SPON1: variants seen among roughly 807,000 people sequenced by gnomAD.
The protein encoded by SPON1 is spondin 1.
Under a neutral mutation model 111.7 loss-of-function variants are expected in SPON1, and 52 were observed. That is an observed-to-expected ratio of 0.47 (90% CI 0.37 to 0.59). The LOEUF (loss-of-function observed/expected upper bound fraction) is 0.59. SPON1 is among the 20% of genes least tolerant of loss of function. SPON1 has a pLI of 0.00. For missense variants in SPON1, 957 were observed against 1,068.5 expected (o/e 0.90, Z 1.46); for synonymous variants, 410 against 395.8 (o/e 1.04, Z -0.43).
At chr11:14,194,889 T>C (rs1554934915) in intron 6 of SPON1, among the ~76,000 whole-genome samples, 1 of 152,218 alleles carries the variant, frequency 6.6e-6, no homozygotes, top group Non-Finnish European at 1.5e-5. Flanking sequence ...AGTAAATATT[T>C]ATTCTACCTT....
Position 14,135,444 on chromosome 11 carries a change from T to A in SPON1, c.701T>A (p.Ile234Asn). ...GGTCGGGCCAACCACTGGTCTGCGA[T>A]CATCGGAGGATCCCACTCCAAGAAT... is the stretch of plus-strand genomic sequence containing the variant. ...YPRRANHWSA[I>N]IGGSHSKNYV... Residue 234 changes from isoleucine to asparagine, a missense_variant, in exon 6 of 16, where the codon ATC becomes AAC. Around this residue, in one of 5 missense-constraint regions of SPON1, gnomAD observed 122 missense variants for 143.2 expected, o/e 0.85. Coordinates refer to ENST00000576479, the MANE Select transcript of SPON1 (RefSeq NM_006108.4). The surrounding 1 kb of genome is among the most constrained non-coding windows in gnomAD (Gnocchi z 4.4). 1 of 1,613,218 alleles carries A rather than the reference T, an allele frequency of 6.2e-7. No individual in the cohort carries two copies. Among genetic ancestry groups the A allele is most frequent in the African/African-American group, 1.3e-5 (1 of 75,044 alleles).
At chr11:14,187,400 G>C (rs1591404063) in intron 6 of SPON1, among the ~76,000 whole-genome samples, 1 of 152,298 alleles carries the variant, frequency 6.6e-6, no homozygotes, top group Non-Finnish European at 1.5e-5. Flanking sequence ...CCACTAGGCA[G>C]ATGACAAAGC....
chr11:14,254,763 C>G, intron 8 of SPON1, 34 bp downstream of exon 8: 3 of 1,597,952 alleles, frequency 1.9e-6, no homozygotes, highest in Non-Finnish European at 2.6e-6. Flanking sequence ...TGAGTGGCTC[C>G]TTGCCTACCC....
chr11:14,069,454 C>T (rs952502450), intron 3 of SPON1, among the ~76,000 whole-genome samples: 2 of 152,166 alleles, frequency 1.3e-5, no homozygotes, highest in South Asian at 2.1e-4. Context: ...TTCTGACCTT[C>T]AGAGCCGCCG....
intron 6 of SPON1, among the ~76,000 whole-genome samples, chr11:14,202,920 T>G (rs1290761651): frequency 1.3e-5 from 2 of 152,148 alleles, no homozygotes; most frequent in East Asian, 3.9e-4. Flanking sequence ...ATGGTGCTGT[T>G]AATCTGCTCT....
intron 7 of SPON1, 40 bp downstream of exon 7, chr11:14,243,436 A>G: frequency 6.5e-7 from 1 of 1,536,900 alleles, no homozygotes; most frequent in Non-Finnish European, 8.8e-7. Context: ...GTCTTATCCT[A>G]GCCCCTTCTC....
chr11:14,132,749 C>T (rs1373860967), intron 5 of SPON1, among the ~76,000 whole-genome samples: 1 of 152,176 alleles, frequency 6.6e-6, no homozygotes, highest in Non-Finnish European at 1.5e-5. Flanking sequence ...TCTTATCATA[C>T]ATATTTCTTA....
chr11:14,006,718 T>A (rs1443505329), intron 2 of SPON1, among the ~76,000 whole-genome samples: 1 of 152,158 alleles, frequency 6.6e-6, no homozygotes, highest in Non-Finnish European at 1.5e-5. Context: ...TCTTTGCCTC[T>A]TGTCCTCACA....
chr11:14,200,589 A>G (rs918501984), intron 6 of SPON1, among the ~76,000 whole-genome samples: 10 of 152,078 alleles, frequency 6.6e-5, no homozygotes, highest in African/African-American at 2.4e-4. Flanking sequence ...GCAGAGGTGG[A>G]CAGATTACTT....
At chr11:14,160,889 A>ATATATATT (rs1452710159) in intron 6 of SPON1, among the ~76,000 whole-genome samples, 1 of 50,262 alleles carries the variant, frequency 2.0e-5, no homozygotes, top group Non-Finnish European at 3.2e-5. Context: ...TTATATATTT[A>ATATATATT]TATATATTTA....
At chr11:14,159,398 G>A (rs782710081) in intron 6 of SPON1, among the ~76,000 whole-genome samples, 2 of 152,248 alleles carry the variant, frequency 1.3e-5, no homozygotes, top group South Asian at 2.1e-4. Context: ...TGTTGAGGAT[G>A]TGGAGAAAAG....
intron 6 of SPON1, among the ~76,000 whole-genome samples, chr11:14,142,049 T>G (rs1296305482): frequency 6.6e-6 from 1 of 152,210 alleles, no homozygotes; most frequent in African/African-American, 2.4e-5. Context: ...TATGTGACTT[T>G]GGGCAAGTTA....
At position 14,260,667 on chromosome 11, in the gene SPON1, A is replaced by G. The variant is rs1369520633; in HGVS notation, c.1911A>G (p.Arg637=). ...CCTGCGGGAAGGGCATGCGAACCCG[A>G]CAGCGGATGCTCAAGTCTCTGGCAG... ...SVTCGKGMRT[R]QRMLKSLAEL... is the part of the protein sequence containing the mutation. Residue 637 remains arginine (R), a synonymous_variant, in exon 14 of 16, where the codon CGA becomes CGG. Coordinates refer to ENST00000576479, the MANE Select transcript of SPON1 (RefSeq NM_006108.4). 7.4e-6 allele frequency: 12 copies of G among 1,613,888 alleles called. No individual in the cohort carries two copies. Among genetic ancestry groups the G allele is most frequent in the Non-Finnish European group, 1.0e-5 (12 of 1,179,898 alleles).
rs537842176 is a variant in SPON1, at chr11:14,193,026, G to A, written c.826-50306G>A. Among the ~76,000 whole-genome samples, 32 of 152,118 alleles carry A rather than the reference G, an allele frequency of 2.1e-4. 1 individual carries two copies. Among genetic ancestry groups the A allele is most frequent in the South Asian group, 6.2e-4 (3 of 4,804 alleles). On this transcript the variant is annotated intron_variant, in intron 6 of 15. Coordinates refer to ENST00000576479, the MANE Select transcript of SPON1 (RefSeq NM_006108.4). ...TGCATGCAGCTCCTATGCAAAAGAC[G>A]GATAAATTACAACACAGAAAAGACA...
At chr11:14,120,719 C>T (rs150690981) in intron 5 of SPON1, among the ~76,000 whole-genome samples, 6 of 152,208 alleles carry the variant, frequency 3.9e-5, no homozygotes, top group East Asian at 1.9e-4. Context: ...TCTATCTTTC[C>T]TAGAGAAATA....
chr11:14,064,992 A>T (rs1446775714), intron 3 of SPON1, among the ~76,000 whole-genome samples: 4 of 152,128 alleles, frequency 2.6e-5, no homozygotes, highest in African/African-American at 9.7e-5. Flanking sequence ...TATACTTTCC[A>T]TACAGTTTTT....
chr11:14,089,450 A>G (rs782126132), intron 5 of SPON1, among the ~76,000 whole-genome samples: 21 of 152,276 alleles, frequency 1.4e-4, no homozygotes, highest in Non-Finnish European at 2.5e-4. Flanking sequence ...TCTCGTGGGT[A>G]TCACCAGCAG....
chr11:14,238,276 G>T lies in SPON1; in HGVS notation c.826-5056G>T, dbSNP rs7940052. Reference sequence around the variant, plus strand: ...AGATGGTAGGGGCATCAGGCAAGTTGGCCAGGCTGACTCCACACTGAGGTC... The same window carrying T: ...AGATGGTAGGGGCATCAGGCAAGTTTGCCAGGCTGACTCCACACTGAGGTC... On this transcript the variant is annotated intron_variant, in intron 6 of 15. Coordinates refer to ENST00000576479, the MANE Select transcript of SPON1 (RefSeq NM_006108.4). 9.7e-3 allele frequency among the ~76,000 whole-genome samples: 1,482 copies of T among 152,238 alleles called. 25 individuals are homozygous for T. The highest frequency in any genetic ancestry group is 0.034 in the African/African-American group (1,422 of 41,530).
chr11:14,154,328 C>T (rs1247224245), intron 6 of SPON1, among the ~76,000 whole-genome samples: 1 of 152,216 alleles, frequency 6.6e-6, no homozygotes, highest in South Asian at 2.1e-4. Flanking sequence ...TCCATACATC[C>T]TCTGGAATAT....
Sources: gnomAD v4.1 joint callset for allele counts (sites outside exome capture counted in the v4.1 genomes callset) on GRCh38, gnomAD v4.1.1 for gene constraint, gnomAD v4.1.1 regional missense constraint, Gnocchi (gnomAD v3.1) non-coding constraint, MANE v1.5 for transcripts, NCBI Gene and HGNC (gene_info 2026-07-23, HGNC 2026-07-21) for gene names.